The following KIAA1549 variants were observed in gnomAD, a reference collection of about 807,000 sequenced individuals.
KIAA1549 encodes KIAA1549, also known as UPF0606 protein KIAA1549.
Under a neutral mutation model 156.4 loss-of-function variants are expected in KIAA1549, and 70 were observed. The observed-to-expected ratio is 0.45, with a 90% CI of 0.37 to 0.55. The LOEUF (loss-of-function observed/expected upper bound fraction) is 0.55, where lower values mean the gene tolerates loss of function less well. KIAA1549 is among the 20% of genes least tolerant of loss of function. KIAA1549 has a pLI of 0.00. For synonymous variants in KIAA1549, 1,103 were observed against 1,066.4 expected (o/e 1.03, Z -0.67); for missense variants, 2,428 against 2,540.9 (o/e 0.96, Z 0.96).
At chr7:138,903,907 A>G (rs1285402517) in intron 7 of KIAA1549, among the ~76,000 whole-genome samples, 171 bp from the exon 8 acceptor site, 1 of 151,704 alleles carries the variant, frequency 6.6e-6, no homozygotes, top group Non-Finnish European at 1.5e-5. Flanking sequence ...ATTGCCATAA[A>G]ATGCCAATTC....
Position 138,851,887 on chromosome 7 carries a change from G to T in KIAA1549, c.5294+336C>A, listed in dbSNP as rs555454302. Among the ~76,000 whole-genome samples the T allele has an allele frequency of 4.6e-5, 7 of 152,292 alleles. No individual in the cohort carries two copies. The East Asian group carries it at 1.4e-3, about 29-fold the overall frequency. ...CCGCAGGTGTCCCTGGGGAAAAAGT[G>T]GCCCAAGAAGCAGGGCTCATGCCTC... On this transcript the variant is annotated intron_variant, in intron 17 of 19. Coordinates refer to ENST00000422774, the MANE Select transcript of KIAA1549 (RefSeq NM_001164665.2).
intron 5 of KIAA1549, among the ~76,000 whole-genome samples, chr7:138,907,636 C>T (rs1219924711): frequency 6.6e-6 from 1 of 152,184 alleles, no homozygotes; most frequent in Non-Finnish European, 1.5e-5. Context: ...AATTACAAGG[C>T]TGTGCCAAAG....
chr7:138,909,324 C>T lies in KIAA1549; in HGVS notation c.3146-203G>A, dbSNP rs77845964. Among the ~76,000 whole-genome samples the T allele has an allele frequency of 5.2e-3, 786 of 152,238 alleles. 8 individuals are homozygous for T. The highest frequency in any genetic ancestry group is 0.015 in the African/African-American group (633 of 41,530). ...CAGTAAATGAAGACATGCAATGTGA[C>T]GGTGACTGGTATCATTTTAAAATGA... On this transcript the variant is annotated intron_variant, in intron 4 of 19. Transcript: ENST00000422774.
intron 1 of KIAA1549, among the ~76,000 whole-genome samples, chr7:138,944,540 C>T (rs1037224048): frequency 6.6e-6 from 1 of 152,126 alleles, no homozygotes; most frequent in African/African-American, 2.4e-5. Context: ...TAATTCCACT[C>T]CTAGCTATGT....
At position 138,917,091 on chromosome 7, in the gene KIAA1549, T is replaced by TGGCAGG; in HGVS notation, c.2529_2534dup (p.Leu844_Pro845dup). On this transcript the variant is annotated inframe_insertion, in exon 2 of 20. Coordinates refer to ENST00000422774, the MANE Select transcript of KIAA1549 (RefSeq NM_001164665.2). The stretch of plus-strand genomic sequence containing the variant: ...CTTCAGAAACAAACGAGGATCCTGA[T>TGGCAGG]GGCAGGTACGCGTCAGTGATCAACA... 1.2e-6 allele frequency: 2 copies of TGGCAGG among 1,609,622 alleles called. No homozygotes were observed. Among genetic ancestry groups the TGGCAGG allele is most frequent in the Non-Finnish European group, 1.7e-6 (2 of 1,177,952 alleles).
At chr7:138,936,217 T>C (rs937999840) in intron 1 of KIAA1549, among the ~76,000 whole-genome samples, 5 of 152,070 alleles carry the variant, frequency 3.3e-5, no homozygotes, top group African/African-American at 9.7e-5. Flanking sequence ...GTGGAATGGA[T>C]GGGGAAGACA....
At chr7:138,878,480 G>A (rs1050349657) in intron 12 of KIAA1549, among the ~76,000 whole-genome samples, 1 of 152,162 alleles carries the variant, frequency 6.6e-6, no homozygotes, top group Non-Finnish European at 1.5e-5. Flanking sequence ...TAATATCCTG[G>A]CCGGGCGTGG....
At chr7:138,850,413 T>C (rs1366942663) in intron 17 of KIAA1549, among the ~76,000 whole-genome samples, 1 of 152,198 alleles carries the variant, frequency 6.6e-6, no homozygotes, top group African/African-American at 2.4e-5. Flanking sequence ...TGGTATCTCA[T>C]TGTAATTTTG....
chr7:138,957,608 G>T (rs1813706129), intron 1 of KIAA1549, among the ~76,000 whole-genome samples: 1 of 152,046 alleles, frequency 6.6e-6, no homozygotes, highest in African/African-American at 2.4e-5. Context: ...CTCCAGAGTA[G>T]ATGGGACTAC....
intron 1 of KIAA1549, among the ~76,000 whole-genome samples, chr7:138,944,548 T>C (rs1000470253): frequency 2.6e-5 from 4 of 152,098 alleles, no homozygotes; most frequent in African/African-American, 7.2e-5. Context: ...CTCCTAGCTA[T>C]GTCCCCAGAA....
At chr7:138,970,899 C>T (rs1814201305) in intron 1 of KIAA1549, among the ~76,000 whole-genome samples, 1 of 152,202 alleles carries the variant, frequency 6.6e-6, no homozygotes, top group African/African-American at 2.4e-5. Flanking sequence ...TTAATCCTAG[C>T]ACCCAACACA....
At chr7:138,911,719 T>C (rs914992694) in intron 3 of KIAA1549, among the ~76,000 whole-genome samples, 6 of 152,252 alleles carry the variant, frequency 3.9e-5, no homozygotes, top group Admixed American at 2.0e-4. Flanking sequence ...ATACATTTTA[T>C]TTAATATATC....
chr7:138,869,700 C>G lies in KIAA1549; in HGVS notation c.4613G>C (p.Arg1538Pro). The change falls in exon 14 of 20, where the codon CGC (arginine) becomes CCC (proline). Residue 1538 changes from arginine (R) to proline (P), a missense_variant. By Grantham distance (103) the Arg-to-Pro change is moderately radical. Around this residue, in one of 5 missense-constraint regions of KIAA1549, gnomAD observed 404 missense variants for 417.0 expected, o/e 0.97. Transcript: ENST00000422774. ...CTCGTAGTGCCCGCGGCGCTTGGCG[C>G]GCAGGCGGATCTTGTTGCGATGGTG... ...IEHHRNKIRL[R>P]AKRRGHYEFP... 6.2e-7 allele frequency: 1 copy of G among 1,612,232 alleles called. No individual in the cohort carries two copies. Among genetic ancestry groups the G allele is most frequent in the Non-Finnish European group, 8.5e-7 (1 of 1,179,866 alleles).
At chr7:138,882,907 G>A (rs1811283003) in intron 10 of KIAA1549, among the ~76,000 whole-genome samples, 1 of 151,880 alleles carries the variant, frequency 6.6e-6, no homozygotes, top group Non-Finnish European at 1.5e-5. Flanking sequence ...TGCAACTAGG[G>A]ATGCCAGGCC....
chr7:138,890,290 C>T lies in KIAA1549; in HGVS notation c.4032+4052G>A, dbSNP rs1361182344. Among the ~76,000 whole-genome samples the T allele has an allele frequency of 3.9e-5, 6 of 152,302 alleles. 1 individual carries two copies. The highest frequency in any genetic ancestry group is 1.4e-4 in the African/African-American group (6 of 41,560). On this transcript the variant is annotated intron_variant, in intron 10 of 19. Coordinates refer to ENST00000422774, the MANE Select transcript of KIAA1549 (RefSeq NM_001164665.2). ...AAAACGCAGTGAAGCCCACAGTATT[C>T]GGGTTAGCCTGAGCCCCTGGGAAGG...
At chr7:138,876,653 C>A (rs931127089) in intron 12 of KIAA1549, among the ~76,000 whole-genome samples, 3 of 152,204 alleles carry the variant, frequency 2.0e-5, no homozygotes, top group African/African-American at 7.2e-5. Flanking sequence ...TTGGTATATT[C>A]CTGATGATAA....
Position 138,834,831 on chromosome 7 carries a change from T to G in KIAA1549, c.*3075A>C, listed in dbSNP as rs1300311284. 4.3e-6 allele frequency: 1 copy of G among 232,280 alleles called. No homozygotes were observed. The highest frequency in any genetic ancestry group is 8.5e-6 in the Non-Finnish European group (1 of 117,518). The allele number at this position is 232,280 out of a possible 1,614,324, so 14.4% of individuals were successfully genotyped here. ...CTTTATGCTCCCTCCTCACAGGACA[T>G]CTGCACACATGATCACATCTGATTC... is the stretch of plus-strand genomic sequence containing the variant. On this transcript the variant is annotated 3_prime_UTR_variant, in exon 20 of 20. Transcript: ENST00000422774.
At position 138,861,370 on chromosome 7, in the gene KIAA1549, C is replaced by T; in HGVS notation, c.5016G>A (p.Gln1672=). Residue 1672 remains glutamine (Q), a synonymous_variant, in exon 16 of 20, where the codon CAG becomes CAA. Transcript: ENST00000422774. The stretch of plus-strand genomic sequence containing the variant: ...CGATGGACGGCTGGGGTGGGATGTA[C>T]TGGGAGGCCGGGAAGGGAAGGGCTG... ...RYPALPFPAS[Q]YIPPQPSIEE... is the part of the protein sequence containing the mutation. 6.2e-7 allele frequency: 1 copy of T among 1,611,416 alleles called. No individual in the cohort carries two copies.
Position 138,918,950 on chromosome 7 carries a change from C to T in KIAA1549, c.676G>A (p.Ala226Thr), listed in dbSNP as rs202110418. The T allele has an allele frequency of 1.4e-5, 23 of 1,613,894 alleles. No individual in the cohort carries two copies. Among genetic ancestry groups the T allele is most frequent in the African/African-American group, 4.0e-5 (3 of 74,934 alleles). ...TRQPAAYAES[A>T]SHFHTFRSAF... ...GACCGAAAGGTGTGGAAATGACTGG[C>T]GGACTCAGCATATGCCGCTGGTTGT... Residue 226 changes from alanine to threonine, a missense_variant, in exon 2 of 20, where the codon GCC (alanine) becomes ACC (threonine). Coordinates refer to ENST00000422774, the MANE Select transcript of KIAA1549 (RefSeq NM_001164665.2). This position sits in a 1 kb window ranked among gnomAD's most constrained non-coding sequence, Gnocchi z 4.2.
Sources: allele counts gnomAD v4.1 joint callset (sites outside exome capture counted in the v4.1 genomes callset), GRCh38; gene constraint gnomAD v4.1.1; regional missense constraint gnomAD v4.1.1; non-coding constraint Gnocchi (gnomAD v3.1); transcripts MANE v1.5; gene names NCBI Gene and HGNC (gene_info 2026-07-23, HGNC 2026-07-21).